The following CDKAL1 variants were observed in gnomAD, a reference collection of about 807,000 sequenced individuals.
CDKAL1 encodes the protein threonylcarbamoyladenosine tRNA methylthiotransferase.
A neutral mutation model predicts 68.2 loss-of-function variants in CDKAL1; 32 were observed. The observed-to-expected ratio is 0.47, with a 90% CI of 0.35 to 0.63. The LOEUF (loss-of-function observed/expected upper bound fraction) is 0.63. Among genes scored for constraint, CDKAL1 ranks in the 30% least tolerant of loss-of-function variants. The pLI, the probability that CDKAL1 is intolerant of heterozygous loss-of-function variation, is 0.00. For missense variants in CDKAL1, 606 were observed against 696.7 expected, an observed-to-expected ratio of 0.87 and a Z score of 1.47; for synonymous variants, 234 against 244.3, an observed-to-expected ratio of 0.96 and a Z score of 0.39.
At chr6:21,086,642 C>T (rs1772709973) in intron 12 of CDKAL1, among the ~76,000 whole-genome samples, 1 of 152,134 alleles carries the variant, frequency 6.6e-6, no homozygotes, top group Admixed American at 6.5e-5. Flanking sequence ...CTAGTAGCCC[C>T]TTTACCTTCC....
chr6:20,828,516 A>C lies in CDKAL1; in HGVS notation c.639-17559A>C, dbSNP rs1777589597. On this transcript the variant is annotated intron_variant, in intron 8 of 15. Coordinates refer to ENST00000274695, the MANE Select transcript of CDKAL1 (RefSeq NM_017774.3). Reference sequence around the variant, plus strand: ...AGTGCTGGGATTACAAACATGAGCCACTGTGCTTGGCTGTGTTTCATTATA... The same window carrying C: ...AGTGCTGGGATTACAAACATGAGCCCCTGTGCTTGGCTGTGTTTCATTATA... 2.0e-5 allele frequency among the ~76,000 whole-genome samples: 3 copies of C among 152,176 alleles called. No homozygotes were observed. In the South Asian group the frequency reaches 6.2e-4, roughly 32 times the overall value.
At chr6:20,703,721 A>G (rs6931514) in intron 5 of CDKAL1, among the ~76,000 whole-genome samples, 41,816 of 151,980 alleles carry the variant, frequency 0.28, 5,933 homozygotes, top group East Asian at 0.48. Context: ...TAAAAACATG[A>G]TATAATAGTA....
chr6:20,775,073 T>G (rs1336825050), intron 7 of CDKAL1, among the ~76,000 whole-genome samples: 1 of 152,236 alleles, frequency 6.6e-6, no homozygotes, highest in African/African-American at 2.4e-5. Context: ...ATATAACATT[T>G]TTGAGTATGT....
intron 13 of CDKAL1, among the ~76,000 whole-genome samples, chr6:21,146,411 T>G (rs1292494813): frequency 6.6e-6 from 1 of 152,142 alleles, no homozygotes; most frequent in Non-Finnish European, 1.5e-5. Flanking sequence ...ACCTTTCTAA[T>G]CTATCCTTCA....
intron 5 of CDKAL1, among the ~76,000 whole-genome samples, chr6:20,730,744 C>A (rs1772881984): frequency 6.6e-6 from 1 of 150,448 alleles, no homozygotes; most frequent in African/African-American, 2.4e-5. Context: ...ACTCGGGAGG[C>A]TGAGGCAGGG....
rs114837577 is a variant in CDKAL1 at position 21,166,795 on chromosome 6, A to G, written c.1300-31226A>G. Reference sequence around the variant, plus strand: ...AGAGATAATCAAGTAACTGTGATGCAGAAGTTGCTAACCTCATTGTACCCC... The same window carrying G: ...AGAGATAATCAAGTAACTGTGATGCGGAAGTTGCTAACCTCATTGTACCCC... On this transcript the variant is annotated intron_variant, in intron 13 of 15. Coordinates refer to ENST00000274695, the MANE Select transcript of CDKAL1 (RefSeq NM_017774.3). Among the ~76,000 whole-genome samples, 1,095 of 152,352 alleles carry G rather than the reference A, an allele frequency of 7.2e-3. 11 individuals are homozygous for G. The highest frequency in any genetic ancestry group is 0.018 in the African/African-American group (761 of 41,586).
chr6:20,976,739 A>T (rs1561930260), intron 10 of CDKAL1, among the ~76,000 whole-genome samples: 1 of 152,168 alleles, frequency 6.6e-6, no homozygotes, highest in Non-Finnish European at 1.5e-5. Flanking sequence ...CTCGAATTTC[A>T]TGTAAATGGA....
intron 7 of CDKAL1, among the ~76,000 whole-genome samples, chr6:20,779,048 A>C (rs1233237195): frequency 6.6e-6 from 1 of 152,246 alleles, no homozygotes; most frequent in Non-Finnish European, 1.5e-5. Context: ...GGTACTCAAC[A>C]TCATTCCTCA....
At chr6:20,645,274 TTCA>T (rs1768387486) in intron 4 of CDKAL1, among the ~76,000 whole-genome samples, 1 of 152,180 alleles carries the variant, frequency 6.6e-6, no homozygotes, top group Admixed American at 6.5e-5. Flanking sequence ...ATATTTTTCT[TTCA>T]TAATAATAAA....
chr6:20,950,724 G>C (rs903263892), intron 9 of CDKAL1, among the ~76,000 whole-genome samples: 1 of 152,046 alleles, frequency 6.6e-6, no homozygotes, highest in African/African-American at 2.4e-5. Context: ...CCAGCACTTC[G>C]GGAGGCTGAG....
intron 11 of CDKAL1, among the ~76,000 whole-genome samples, chr6:21,043,849 G>A (rs1770075578): frequency 6.6e-6 from 1 of 152,216 alleles, no homozygotes; most frequent in African/African-American, 2.4e-5. Flanking sequence ...ACAGCACTGT[G>A]TCTTGGACCT....
chr6:21,045,265 C>T (rs560328509), intron 11 of CDKAL1, among the ~76,000 whole-genome samples: 10 of 152,168 alleles, frequency 6.6e-5, no homozygotes, highest in Non-Finnish European at 1.5e-4. Context: ...AGGAATACTC[C>T]TGGCAGTGAC....
chr6:21,120,181 A>G (rs898775983), intron 13 of CDKAL1, among the ~76,000 whole-genome samples: 1 of 152,256 alleles, frequency 6.6e-6, no homozygotes, highest in African/African-American at 2.4e-5. Context: ...AACTAGAGTA[A>G]GATGCTTACA....
chr6:20,571,083 T>C (rs1207997410), intron 4 of CDKAL1, among the ~76,000 whole-genome samples: 1 of 152,180 alleles, frequency 6.6e-6, no homozygotes, highest in African/African-American at 2.4e-5. Flanking sequence ...GAAGCTTATG[T>C]GAATCTCTAA....
Position 20,694,042 on chromosome 6 carries a change from T to TTGTGTGTGTGTGTGTATATGTGTGTG in CDKAL1, c.371+44680_371+44681insATATGTGTGTGTGTGTGTGTGTGTGT, listed in dbSNP as rs1261180037. ...CACACACTAACACACCCGGCTAACT[T>TTGTGTGTGTGTGTGTATATGTGTGTG]TGTGTGTGTGTGTGTGTGTATGTGT... On this transcript the variant is annotated intron_variant, in intron 5 of 15. Coordinates refer to ENST00000274695, the MANE Select transcript of CDKAL1 (RefSeq NM_017774.3). Among the ~76,000 whole-genome samples, 84 of 114,398 alleles carry TTGTGTGTGTGTGTGTATATGTGTGTG rather than the reference T, an allele frequency of 7.3e-4. 1 individual carries two copies. Among genetic ancestry groups the TTGTGTGTGTGTGTGTATATGTGTGTG allele is most frequent in the African/African-American group, 3.3e-3 (78 of 23,742 alleles). 75.0% of individuals were successfully genotyped at this position (114,398 alleles called of 152,430 possible). A position where few individuals can be genotyped will look rare whatever the true frequency, so the allele number is the denominator to read the frequency against.
intron 4 of CDKAL1, among the ~76,000 whole-genome samples, chr6:20,624,956 TG>T (rs1767362167): frequency 6.6e-6 from 1 of 152,082 alleles, no homozygotes; most frequent in African/African-American, 2.4e-5. Flanking sequence ...CATATGATTG[TG>T]GTTTAGGAAA....
At chr6:20,710,276 A>G (rs79748888) in intron 5 of CDKAL1, among the ~76,000 whole-genome samples, 206 of 152,280 alleles carry the variant, frequency 1.4e-3, no homozygotes, top group Non-Finnish European at 2.5e-3. Flanking sequence ...GTGTCCCATG[A>G]TCCCGTGATG....
At chr6:20,776,808 A>G (rs1775191582) in intron 7 of CDKAL1, among the ~76,000 whole-genome samples, 1 of 152,218 alleles carries the variant, frequency 6.6e-6, no homozygotes, top group African/African-American at 2.4e-5. Context: ...TTGGATAAAA[A>G]CAGTGTAAGT....
chr6:20,723,856 C>CT (rs2127848726), intron 5 of CDKAL1, among the ~76,000 whole-genome samples: 1 of 152,222 alleles, frequency 6.6e-6, no homozygotes, highest in Admixed American at 6.5e-5. Context: ...AATTTTGTGA[C>CT]TATGTAAATT....
Sources: allele counts gnomAD v4.1 joint callset (sites outside exome capture counted in the v4.1 genomes callset), GRCh38; gene constraint gnomAD v4.1.1; transcripts MANE v1.5; gene names NCBI Gene and HGNC (gene_info 2026-07-23, HGNC 2026-07-21).